CDKAL1: variants seen among roughly 807,000 people sequenced by gnomAD.
The protein encoded by CDKAL1 is CDKAL1 threonylcarbamoyladenosine tRNA methylthiotransferase.
A neutral mutation model predicts 68.2 loss-of-function variants in CDKAL1; 32 were observed. That is an observed-to-expected ratio of 0.47 (90% CI 0.35 to 0.63). CDKAL1 has a LOEUF of 0.63. Ranked by LOEUF, CDKAL1 falls within the 30% of genes least tolerant of loss-of-function variation. The pLI is 0.00. For missense variants in CDKAL1, 606 were observed against 696.7 expected (o/e 0.87, Z 1.47); for synonymous variants, 234 against 244.3 (o/e 0.96, Z 0.39).
intron 4 of CDKAL1, among the ~76,000 whole-genome samples, chr6:20,603,768 A>ATTTTTTTTTTTTTTTTTTTTTTTTT (rs745786047): frequency 1.2e-5 from 1 of 85,192 alleles, no homozygotes; most frequent in African/African-American, 4.7e-5. Context: ...CAGTTGCTAA[A>ATTTTTTTTTTTTTTTTTTTTTTTTT]TTTTTTTTTT....
chr6:21,054,109 A>G (rs1269340054), intron 11 of CDKAL1, among the ~76,000 whole-genome samples: 1 of 152,168 alleles, frequency 6.6e-6, no homozygotes, highest in Non-Finnish European at 1.5e-5. Context: ...ACTGTGATGC[A>G]CATTGAAATA....
intron 12 of CDKAL1, among the ~76,000 whole-genome samples, chr6:21,104,528 A>AC (rs1297629759): frequency 2.0e-5 from 3 of 151,930 alleles, no homozygotes; most frequent in African/African-American, 7.3e-5. Flanking sequence ...TAAAAAAAAA[A>AC]AACAACAGGC....
At chr6:20,868,396 C>T (rs146597963) in intron 9 of CDKAL1, among the ~76,000 whole-genome samples, 2 of 152,316 alleles carry the variant, frequency 1.3e-5, no homozygotes, top group East Asian at 3.9e-4. Context: ...TAGGTTGGTA[C>T]ATTCTCTTCA....
chr6:20,755,406 C>T (rs536774868), intron 6 of CDKAL1, among the ~76,000 whole-genome samples: 2 of 152,254 alleles, frequency 1.3e-5, no homozygotes, highest in African/African-American at 4.8e-5. Flanking sequence ...CTGGTTATAA[C>T]TTTCTGTCCT....
chr6:20,564,978 A>C (rs1165253809), intron 4 of CDKAL1, among the ~76,000 whole-genome samples: 1 of 152,036 alleles, frequency 6.6e-6, no homozygotes, highest in African/African-American at 2.4e-5. Flanking sequence ...ATTTGACTTG[A>C]AGTGAGGGTT....
chr6:21,103,593 C>A (rs4569951), intron 12 of CDKAL1, among the ~76,000 whole-genome samples: 23,619 of 152,018 alleles, frequency 0.16, 2,100 homozygotes, highest in East Asian at 0.26. Context: ...TTTAAACCCA[C>A]GGCAGCCCGC....
chr6:20,693,632 C>T (rs1021913382), intron 5 of CDKAL1, among the ~76,000 whole-genome samples: 2 of 152,210 alleles, frequency 1.3e-5, no homozygotes, highest in African/African-American at 4.8e-5. Context: ...GCACTGCACA[C>T]AGCAGCAGCC....
At chr6:20,546,104 T>C (rs1763590936) in intron 2 of CDKAL1, among the ~76,000 whole-genome samples, 1 of 152,252 alleles carries the variant, frequency 6.6e-6, no homozygotes, top group South Asian at 2.1e-4. Context: ...ATAGTTCCTG[T>C]TGAACCTTGG....
chr6:20,847,585 G>A (rs914958962), intron 9 of CDKAL1, among the ~76,000 whole-genome samples: 2 of 152,162 alleles, frequency 1.3e-5, no homozygotes, highest in Middle Eastern at 3.4e-3. Context: ...ACTTGAAAAC[G>A]TTTTTGAAAA....
intron 13 of CDKAL1, among the ~76,000 whole-genome samples, chr6:21,189,539 C>T (rs1052455862): frequency 2.0e-5 from 3 of 152,126 alleles, no homozygotes; most frequent in African/African-American, 7.2e-5. Context: ...ATCAGTTAAC[C>T]AGTCTAGCGC....
chr6:20,576,338 C>G (rs2127683970), intron 4 of CDKAL1, among the ~76,000 whole-genome samples: 1 of 152,212 alleles, frequency 6.6e-6, no homozygotes, highest in South Asian at 2.1e-4. Context: ...TAAACAAGTT[C>G]CAGAATTTTG....
chr6:21,136,544 T>G (rs1775607546), intron 13 of CDKAL1, among the ~76,000 whole-genome samples: 2 of 152,246 alleles, frequency 1.3e-5, no homozygotes, highest in Non-Finnish European at 2.9e-5. Context: ...ATTTGAAACT[T>G]TGAAAGCACA....
At chr6:21,140,373 C>T (rs1775835842) in intron 13 of CDKAL1, among the ~76,000 whole-genome samples, 1 of 152,202 alleles carries the variant, frequency 6.6e-6, no homozygotes, top group Non-Finnish European at 1.5e-5. Context: ...AATGTAAACA[C>T]TAGAGGAGCC....
At chr6:20,597,153 G>A (rs1181322542) in intron 4 of CDKAL1, among the ~76,000 whole-genome samples, 6 of 151,938 alleles carry the variant, frequency 3.9e-5, no homozygotes, top group Non-Finnish European at 7.4e-5. Flanking sequence ...TTTTCAGACG[G>A]AGTCTCGCTT....
At chr6:20,754,312 C>G (rs1774074471) in intron 6 of CDKAL1, among the ~76,000 whole-genome samples, 1 of 152,062 alleles carries the variant, frequency 6.6e-6, no homozygotes, top group Non-Finnish European at 1.5e-5. Context: ...AGTCATCCTA[C>G]TGGGTGTGAA....
At chr6:20,835,203 G>A (rs1302495435) in intron 8 of CDKAL1, among the ~76,000 whole-genome samples, 1 of 152,038 alleles carries the variant, frequency 6.6e-6, no homozygotes, top group Non-Finnish European at 1.5e-5. Context: ...TCATGATTGT[G>A]GCAATGTTTC....
At chr6:20,849,687 T>G (rs987717312) in intron 9 of CDKAL1, among the ~76,000 whole-genome samples, 1 of 151,910 alleles carries the variant, frequency 6.6e-6, no homozygotes, top group African/African-American at 2.4e-5. Flanking sequence ...GTAACATCCA[T>G]AGCAAAAACA....
In CDKAL1 at chr6:20,962,844, T is replaced by C. The variant is rs536885623; in HGVS notation, c.909+7259T>C. Among the ~76,000 whole-genome samples, 19 of 152,322 alleles carry C rather than the reference T, an allele frequency of 1.2e-4. 1 individual carries two copies. The South Asian group carries it at 3.3e-3, about 27-fold the overall frequency. ...TTTATTTCAACCATCCACCTGTAGC[T>C]TTTGAGACATGTCAGTATGTGGTTT... On this transcript the variant is annotated intron_variant, in intron 10 of 15. Transcript: ENST00000274695.
At chr6:21,081,817 A>G (rs139909255) in intron 12 of CDKAL1, among the ~76,000 whole-genome samples, 138 of 151,990 alleles carry the variant, frequency 9.1e-4, no homozygotes, top group Non-Finnish European at 1.5e-3. Context: ...ACCTCATGTA[A>G]TCCACCCACC....
Sources: allele counts gnomAD v4.1 joint callset (sites outside exome capture counted in the v4.1 genomes callset), GRCh38; gene constraint gnomAD v4.1.1; transcripts MANE v1.5; gene names NCBI Gene and HGNC (gene_info 2026-07-23, HGNC 2026-07-21).